The following TTC23L variants were observed in gnomAD, a reference collection of about 807,000 sequenced individuals.
The protein encoded by TTC23L is tetratricopeptide repeat protein 23-like.
In TTC23L, 42 loss-of-function variants were observed where a neutral mutation model predicts 48.1. The observed-to-expected ratio is 0.87, with a 90% CI of 0.68 to 1.13. The LOEUF (loss-of-function observed/expected upper bound fraction) is 1.13. Ranked by LOEUF, TTC23L falls within the 50% of genes most tolerant of loss-of-function variation. The probability of loss-of-function intolerance (pLI) is 0.00; values close to 1 mark genes in which losing one functional copy is unlikely to be tolerated. For synonymous variants in TTC23L, 159 were observed against 157.2 expected, an observed-to-expected ratio of 1.01 and a Z score of -0.09; for missense variants, 391 against 421.0, an observed-to-expected ratio of 0.93 and a Z score of 0.62.
the TTC23L span, chr5:34,922,357 T>A: frequency 9.6e-7 from 1 of 1,040,160 alleles, no homozygotes; most frequent in Non-Finnish European, 1.5e-6. Flanking sequence ...TTTTATGTTA[T>A]AGACTCCTAG....
At chr5:34,859,620 CAT>C (rs1429967859) in intron 4 of TTC23L, among the ~76,000 whole-genome samples, 1 of 152,100 alleles carries the variant, frequency 6.6e-6, no homozygotes, top group East Asian at 1.9e-4. Context: ...CGTTTTTCAT[CAT>C]ATGTGGATGC....
At chr5:34,867,243 A>C (rs1446312839) in intron 7 of TTC23L, 174 bp downstream of exon 7, 2 of 684,188 alleles carry the variant, frequency 2.9e-6, no homozygotes, top group Non-Finnish European at 5.0e-6. Context: ...TTAAATGACC[A>C]GGCCAGAGAA....
chr5:34,854,419 T>G (rs570057104), intron 4 of TTC23L, among the ~76,000 whole-genome samples: 1 of 152,342 alleles, frequency 6.6e-6, no homozygotes, highest in East Asian at 1.9e-4. Context: ...TTTCTTCACT[T>G]AAGCTTTTAT....
the TTC23L span, chr5:34,925,673 C>A: frequency 1.8e-6 from 1 of 552,050 alleles, no homozygotes; most frequent in Non-Finnish European, 3.0e-6. Flanking sequence ...CACCAGAATT[C>A]ATCAGTTAAT....
chr5:34,911,152 A>G, the TTC23L span, among the ~76,000 whole-genome samples: 1 of 152,258 alleles, frequency 6.6e-6, no homozygotes, highest in East Asian at 1.9e-4. Flanking sequence ...TAGTGAATGA[A>G]TGAGCCACGT....
At chr5:34,914,382 A>T in the TTC23L span, 1 of 343,120 alleles carries the variant, frequency 2.9e-6, no homozygotes, top group South Asian at 3.0e-5. Flanking sequence ...ACTATTGTTA[A>T]GATTAAATAA....
At chr5:34,866,155 T>C (rs1162634572) in intron 6 of TTC23L, among the ~76,000 whole-genome samples, 2 of 152,302 alleles carry the variant, frequency 1.3e-5, no homozygotes, top group South Asian at 2.1e-4. Context: ...TTCCCAACTT[T>C]GTTGTGGAAA....
At chr5:34,925,473 T>G in the TTC23L span, 2 of 1,612,618 alleles carry the variant, frequency 1.2e-6, no homozygotes, top group Admixed American at 3.3e-5. Context: ...AAACAGAGGA[T>G]GGACAGTGGG....
intron 9 of TTC23L, among the ~76,000 whole-genome samples, chr5:34,890,040 T>C (rs1255468182): frequency 1.3e-5 from 2 of 152,052 alleles, no homozygotes; most frequent in Admixed American, 6.6e-5. Context: ...GGTTTCCCCA[T>C]GTTGGCCAGG....
At chr5:34,887,407 T>C (rs1439203180) in intron 9 of TTC23L, among the ~76,000 whole-genome samples, 1 of 152,118 alleles carries the variant, frequency 6.6e-6, no homozygotes, top group Non-Finnish European at 1.5e-5. Flanking sequence ...GAGCAGGGGT[T>C]CCAGGGAAAC....
At chr5:34,910,927 T>C in the TTC23L span, among the ~76,000 whole-genome samples, 8 of 152,366 alleles carry the variant, frequency 5.3e-5, no homozygotes, top group Non-Finnish European at 1.0e-4. Context: ...TTTTTGACAT[T>C]GTACTCCTGC....
chr5:34,858,537 CAA>C (rs1760313223), intron 4 of TTC23L, among the ~76,000 whole-genome samples: 1 of 152,056 alleles, frequency 6.6e-6, no homozygotes, highest in Admixed American at 6.5e-5. Context: ...TCTCCAAACT[CAA>C]GAGACAGCTC....
At chr5:34,885,868 G>C (rs1369932018) in intron 9 of TTC23L, among the ~76,000 whole-genome samples, 2 of 152,104 alleles carry the variant, frequency 1.3e-5, no homozygotes, top group African/African-American at 4.8e-5. Context: ...TACTTTTTAA[G>C]AAGAGAAAAA....
the TTC23L span, chr5:34,914,915 G>T: frequency 6.8e-6 from 11 of 1,613,022 alleles, no homozygotes; most frequent in African/African-American, 1.5e-4. Flanking sequence ...ATTCGGCCCC[G>T]AGGGATGCTC....
intron 4 of TTC23L, among the ~76,000 whole-genome samples, chr5:34,852,997 C>T (rs1759803035): frequency 6.6e-6 from 1 of 152,074 alleles, no homozygotes. Flanking sequence ...AAAACCCTGC[C>T]CCTGTGATTG....
chr5:34,861,777 G>C (rs112035377), intron 4 of TTC23L, among the ~76,000 whole-genome samples: 1 of 152,204 alleles, frequency 6.6e-6, no homozygotes, highest in Non-Finnish European at 1.5e-5. Flanking sequence ...TGAGGATTAG[G>C]GGCACAGTGG....
At chr5:34,862,120 AG>A (rs1760710820) in intron 4 of TTC23L, among the ~76,000 whole-genome samples, 1 of 152,198 alleles carries the variant, frequency 6.6e-6, no homozygotes, top group Non-Finnish European at 1.5e-5. Context: ...CCCTGGACAC[AG>A]GTTTGTATTT....
intron 9 of TTC23L, among the ~76,000 whole-genome samples, chr5:34,887,886 A>T (rs1762636404): frequency 6.6e-6 from 1 of 152,260 alleles, no homozygotes; most frequent in African/African-American, 2.4e-5. Context: ...AGGATTTACC[A>T]TGTTTCACAC....
chr5:34,880,283 G>T lies in TTC23L; in HGVS notation c.1052G>T (p.Trp351Leu), dbSNP rs200489233. 307 of 1,612,140 alleles carry T rather than the reference G, an allele frequency of 1.9e-4. 1 individual carries two copies. The highest frequency in any genetic ancestry group is 6.7e-5 in the Admixed American group (4 of 59,576). ...AGCACCACTGAAGAATTTTGCAAATGGCTTGTCCAAAATGGAGAAAAACAG... is the reference window on the plus strand; with the variant it reads ...AGCACCACTGAAGAATTTTGCAAATTGCTTGTCCAAAATGGAGAAAAACAG... The change falls in exon 9 of 11, where the codon TGG becomes TTG. Residue 351 changes from tryptophan (W) to leucine (L), a missense_variant. Physicochemically the swap from Trp to Leu is moderately conservative, Grantham distance 61. Transcript: ENST00000505624.
Sources: gnomAD v4.1 joint callset for allele counts (sites outside exome capture counted in the v4.1 genomes callset) on GRCh38, gnomAD v4.1.1 for gene constraint, MANE v1.5 for transcripts, NCBI Gene and HGNC (gene_info 2026-07-23, HGNC 2026-07-21) for gene names.